Variants in SAMD12 observed in about 807,000 individuals in gnomAD.
The protein encoded by SAMD12 is sterile alpha motif domain containing 12.
SAMD12 carries 9 observed loss-of-function variants against 15.0 expected under a neutral mutation model. The observed-to-expected ratio is 0.60, with a 90% CI of 0.36 to 1.05. The LOEUF is 1.05. SAMD12 is among the 50% of genes least tolerant of loss of function. The pLI is 0.01. For synonymous variants in SAMD12, 86 were observed against 90.1 expected, an observed-to-expected ratio of 0.96 and a Z score of 0.25; for missense variants, 230 against 234.2, an observed-to-expected ratio of 0.98 and a Z score of 0.12.
At chr8:118,292,197 A>T (rs114720518) in intron 4 of SAMD12, among the ~76,000 whole-genome samples, 2,731 of 151,404 alleles carry the variant, frequency 0.018, 76 homozygotes, top group South Asian at 0.051. Context: ...GTGCTGTGTA[A>T]ACTGCTTGGG....
chr8:118,597,824 G>C (rs942625637), intron 1 of SAMD12, among the ~76,000 whole-genome samples: 2 of 152,176 alleles, frequency 1.3e-5, no homozygotes, highest in African/African-American at 4.8e-5. Flanking sequence ...CTACATGGCA[G>C]TTGGTACTCT....
chr8:118,610,743 G>A (rs1391368252), intron 1 of SAMD12, among the ~76,000 whole-genome samples: 2 of 152,186 alleles, frequency 1.3e-5, no homozygotes, highest in African/African-American at 2.4e-5. Context: ...ATGGACCAGA[G>A]ATTACTGTCT....
chr8:118,557,861 C>CT (rs1444237807), intron 2 of SAMD12, among the ~76,000 whole-genome samples: 1 of 151,976 alleles, frequency 6.6e-6, no homozygotes, highest in African/African-American at 2.4e-5. Context: ...TATTTTCTAC[C>CT]TTTTTAAGCT....
chr8:118,286,223 G>C (rs1299145966), intron 4 of SAMD12, among the ~76,000 whole-genome samples: 5 of 151,648 alleles, frequency 3.3e-5, no homozygotes, highest in African/African-American at 1.2e-4. Context: ...CGTAAATGAC[G>C]AGTTAATGGG....
At chr8:118,286,095 C>A (rs772260904) in intron 4 of SAMD12, among the ~76,000 whole-genome samples, 17 of 149,184 alleles carry the variant, frequency 1.1e-4, no homozygotes, top group Non-Finnish European at 1.9e-4. Flanking sequence ...CATGTTCTCA[C>A]TCATAGGTGG....
At chr8:118,610,917 T>A (rs1828093579) in intron 1 of SAMD12, among the ~76,000 whole-genome samples, 1 of 152,168 alleles carries the variant, frequency 6.6e-6, no homozygotes, top group Non-Finnish European at 1.5e-5. Context: ...TCAGTCAGGG[T>A]CTCCTAAATA....
intron 2 of SAMD12, among the ~76,000 whole-genome samples, chr8:118,576,925 A>G (rs1392696362): frequency 6.6e-6 from 1 of 152,174 alleles, no homozygotes; most frequent in Non-Finnish European, 1.5e-5. Context: ...TGCAATGAAA[A>G]TGCTTTGCCA....
chr8:118,160,351 T>C, the SAMD12 span, among the ~76,000 whole-genome samples: 2 of 152,160 alleles, frequency 1.3e-5, no homozygotes, highest in Non-Finnish European at 2.9e-5. Flanking sequence ...TGAAAATCCA[T>C]AAGACTTGTA....
chr8:118,382,027 TG>T (rs1385709442), intron 3 of SAMD12, among the ~76,000 whole-genome samples: 1 of 152,220 alleles, frequency 6.6e-6, no homozygotes, highest in Non-Finnish European at 1.5e-5. Context: ...CTCTGCTCAC[TG>T]TCAGACCTTA....
At chr8:118,538,648 T>C (rs1283987907) in intron 2 of SAMD12, among the ~76,000 whole-genome samples, 2 of 152,218 alleles carry the variant, frequency 1.3e-5, no homozygotes, top group Non-Finnish European at 2.9e-5. Context: ...AGAAGTGGTG[T>C]AGGCAATTCA....
At chr8:118,394,606 A>C (rs969901740) in intron 3 of SAMD12, among the ~76,000 whole-genome samples, 3 of 152,222 alleles carry the variant, frequency 2.0e-5, no homozygotes, top group African/African-American at 7.2e-5. Flanking sequence ...TTGCGTTTTC[A>C]TGTATATTTG....
chr8:118,533,496 A>G (rs141853538), intron 2 of SAMD12, among the ~76,000 whole-genome samples: 15,526 of 152,064 alleles, frequency 0.1, 1,237 homozygotes, highest in African/African-American at 0.22. Context: ...GGACATCCTT[A>G]TTAACTTTCT....
intron 4 of SAMD12, among the ~76,000 whole-genome samples, chr8:118,226,176 T>G (rs1352391007): frequency 6.6e-6 from 1 of 152,128 alleles, no homozygotes; most frequent in African/African-American, 2.4e-5. Flanking sequence ...TTGTCCCCAT[T>G]TAACACATGA....
intron 1 of SAMD12, among the ~76,000 whole-genome samples, chr8:118,588,356 T>A (rs756303623): frequency 3.9e-5 from 6 of 152,206 alleles, no homozygotes; most frequent in Admixed American, 6.5e-5. Context: ...AGATATCTTC[T>A]AGGACAGGGG....
At chr8:118,216,731 T>C (rs1811969493) in intron 4 of SAMD12, among the ~76,000 whole-genome samples, 1 of 152,192 alleles carries the variant, frequency 6.6e-6, no homozygotes, top group Admixed American at 6.5e-5. Flanking sequence ...AATAAATAAC[T>C]GATGTGCATA....
At chr8:118,138,215 C>T in the SAMD12 span, among the ~76,000 whole-genome samples, 8 of 145,274 alleles carry the variant, frequency 5.5e-5, no homozygotes, top group Non-Finnish European at 7.7e-5. Context: ...GTGAGTGACT[C>T]GAAGCGGGCT....
intron 4 of SAMD12, among the ~76,000 whole-genome samples, chr8:118,369,878 A>G (rs2130674528): frequency 6.6e-6 from 1 of 152,302 alleles, no homozygotes. Context: ...TTTCATGACA[A>G]AAATGTCAAA....
At chr8:118,478,310 G>A (rs867124151) in intron 2 of SAMD12, among the ~76,000 whole-genome samples, 1 of 152,098 alleles carries the variant, frequency 6.6e-6, no homozygotes, top group Non-Finnish European at 1.5e-5. Context: ...TTTTCAATCA[G>A]GACTAGAGGA....
chr8:118,521,239 C>A (rs1024867239), intron 2 of SAMD12, among the ~76,000 whole-genome samples: 1 of 152,194 alleles, frequency 6.6e-6, no homozygotes, highest in Non-Finnish European at 1.5e-5. Flanking sequence ...CTCTACCCAG[C>A]ACTCACTGTC....
Sources: allele counts gnomAD v4.1 joint callset (sites outside exome capture counted in the v4.1 genomes callset), GRCh38; gene constraint gnomAD v4.1.1; transcripts MANE v1.5; gene names NCBI Gene and HGNC (gene_info 2026-07-23, HGNC 2026-07-21).